The following ST3GAL1 variants were observed in gnomAD, a reference collection of about 807,000 sequenced individuals.
The protein encoded by ST3GAL1 is CMP-N-acetylneuraminate-beta-galactosamide-alpha-2,3-sialyltransferase 1.
Under a neutral mutation model 34.1 loss-of-function variants are expected in ST3GAL1, and 16 were observed. The observed-to-expected ratio is 0.47, with a 90% CI of 0.32 to 0.71. ST3GAL1 has a LOEUF of 0.71. Ranked by LOEUF, ST3GAL1 falls within the 30% of genes least tolerant of loss-of-function variation. ST3GAL1 has a pLI of 0.04. For missense variants in ST3GAL1, 353 were observed against 447.4 expected (o/e 0.79, Z 1.90); for synonymous variants, 191 against 184.7 (o/e 1.03, Z -0.28).
chr8:133,478,376 T>C (rs769834446), intron 3 of ST3GAL1, among the ~76,000 whole-genome samples: 10 of 152,208 alleles, frequency 6.6e-5, no homozygotes, highest in Non-Finnish European at 1.5e-4. Flanking sequence ...TGGCTTGTTG[T>C]TGACATGTGG....
chr8:133,554,401 T>C (rs1470696057), intron 1 of ST3GAL1, among the ~76,000 whole-genome samples: 1 of 152,118 alleles, frequency 6.6e-6, no homozygotes, highest in African/African-American at 2.4e-5. Flanking sequence ...CTGACAATGG[T>C]GTTCCAAAAT....
chr8:133,484,914 G>A (rs899283079), intron 3 of ST3GAL1, among the ~76,000 whole-genome samples: 1 of 152,156 alleles, frequency 6.6e-6, no homozygotes, highest in Middle Eastern at 3.2e-3. Flanking sequence ...TCACGCACTG[G>A]GAATTGTGAT....
rs989517950 is a variant in ST3GAL1, at chr8:133,508,887, C to T, written c.-428-9698G>A. Among the ~76,000 whole-genome samples the T allele has an allele frequency of 2.0e-5, 3 of 151,980 alleles. No homozygotes were observed. The highest frequency in any genetic ancestry group is 2.9e-5 in the Non-Finnish European group (2 of 68,008). On this transcript the variant is annotated intron_variant, in intron 2 of 9. Transcript: ENST00000522652. The surrounding 1 kb of genome is among the most constrained non-coding windows in gnomAD (Gnocchi z 4.1). The stretch of plus-strand genomic sequence containing the variant: ...AAGACTTAGAGGCAAGCAGAAATGA[C>T]GCAAGTATGAAACTCAAGCTGGCTG...
intron 1 of ST3GAL1, among the ~76,000 whole-genome samples, chr8:133,552,917 C>T (rs965331214): frequency 1.3e-5 from 2 of 152,306 alleles, no homozygotes; most frequent in South Asian, 2.1e-4. Context: ...TCCTCTGGGG[C>T]TGGTAGTTTT....
chr8:133,544,668 C>T (rs1207235844), intron 2 of ST3GAL1, among the ~76,000 whole-genome samples: 1 of 152,176 alleles, frequency 6.6e-6, no homozygotes, highest in Non-Finnish European at 1.5e-5. Context: ...ACCAGAAGGG[C>T]TCAAGCTCAC....
intron 3 of ST3GAL1, among the ~76,000 whole-genome samples, chr8:133,497,284 G>A (rs1012392995): frequency 3.9e-5 from 6 of 152,178 alleles, no homozygotes; most frequent in Non-Finnish European, 5.9e-5. Context: ...AGTGTGCTGT[G>A]AACTCACAGC....
chr8:133,463,897 C>T (rs1018315623), intron 7 of ST3GAL1, among the ~76,000 whole-genome samples: 4 of 152,166 alleles, frequency 2.6e-5, no homozygotes, highest in African/African-American at 7.2e-5. Context: ...GCTGGTCCCA[C>T]GGGTGTGATT....
rs976764918 is a variant in ST3GAL1, at chr8:133,469,802, G to A, written c.307-3712C>T. Reference sequence around the variant, plus strand: ...AGGAGGGACGGCAGAAATGACCTCCGGGCTCTGTGATGCGACTTTCTCTAG... The same window carrying A: ...AGGAGGGACGGCAGAAATGACCTCCAGGCTCTGTGATGCGACTTTCTCTAG... On this transcript the variant is annotated intron_variant, in intron 5 of 9. Transcript: ENST00000522652. This position sits in a 1 kb window ranked among gnomAD's most constrained non-coding sequence, Gnocchi z 4.3. Among the ~76,000 whole-genome samples, 8 of 152,156 alleles carry A rather than the reference G, an allele frequency of 5.3e-5. No homozygotes were observed. Among genetic ancestry groups the A allele is most frequent in the Non-Finnish European group, 7.4e-5 (5 of 68,024 alleles).
chr8:133,523,147 C>A (rs1586639398), intron 2 of ST3GAL1, among the ~76,000 whole-genome samples: 2 of 152,310 alleles, frequency 1.3e-5, no homozygotes, highest in East Asian at 3.9e-4. Flanking sequence ...CTCCCTTCTG[C>A]CCTGCTGAGA....
intron 3 of ST3GAL1, among the ~76,000 whole-genome samples, chr8:133,492,347 A>G (rs1816811397): frequency 6.6e-6 from 1 of 152,214 alleles, no homozygotes; most frequent in Non-Finnish European, 1.5e-5. Flanking sequence ...ACTCTGTGCC[A>G]GGCTCCAAGT....
chr8:133,543,793 A>ACATCATCAT (rs76541813), intron 2 of ST3GAL1, among the ~76,000 whole-genome samples: 1 of 151,190 alleles, frequency 6.6e-6, no homozygotes, highest in African/African-American at 2.4e-5. Flanking sequence ...ATCACTGTTA[A>ACATCATCAT]CATCATCATC....
intron 2 of ST3GAL1, among the ~76,000 whole-genome samples, chr8:133,541,979 C>T (rs1036646317): frequency 1.3e-5 from 2 of 151,922 alleles, no homozygotes; most frequent in African/African-American, 4.8e-5. Flanking sequence ...TAGTATGAAC[C>T]TATGGTGATT....
rs549130990 is a variant in ST3GAL1 at position 133,555,018 on chromosome 8, C to T, written c.-581-9092G>A. On this transcript the variant is annotated intron_variant, in intron 1 of 9. Coordinates refer to ENST00000522652, the MANE Select transcript of ST3GAL1 (RefSeq NM_173344.3). ...CTGGAATTACAGGTGTGAGCCACCG[C>T]GCCCAGCCTACTTGGGTTTTTCTAC... 2.6e-5 allele frequency among the ~76,000 whole-genome samples: 4 copies of T among 152,190 alleles called. No homozygotes were observed. In the East Asian group the frequency reaches 5.8e-4, roughly 22 times the overall value.
At chr8:133,564,299 T>G (rs1374948955) in intron 1 of ST3GAL1, among the ~76,000 whole-genome samples, 1 of 152,208 alleles carries the variant, frequency 6.6e-6, no homozygotes, top group African/African-American at 2.4e-5. Context: ...ATTTTTCTAG[T>G]GTTCTCTCTA....
Position 133,520,497 on chromosome 8 carries a change from G to A in ST3GAL1, c.-428-21308C>T, listed in dbSNP as rs553132677. The stretch of plus-strand genomic sequence containing the variant: ...CACTGTGAAAAGCTGTTGGGTATGG[G>A]CCCACCTAGGACCTTTCCTGAGCCA... On this transcript the variant is annotated intron_variant, in intron 2 of 9. Transcript: ENST00000522652. 9.2e-5 allele frequency among the ~76,000 whole-genome samples: 14 copies of A among 152,252 alleles called. No individual in the cohort carries two copies. The East Asian group carries it at 2.7e-3, about 29-fold the overall frequency.
At chr8:133,552,795 G>A (rs185540482) in intron 1 of ST3GAL1, among the ~76,000 whole-genome samples, 75 of 152,250 alleles carry the variant, frequency 4.9e-4, no homozygotes, top group Middle Eastern at 6.8e-3. Flanking sequence ...TGGCTGCTTC[G>A]CTGGAAGAGC....
intron 3 of ST3GAL1, among the ~76,000 whole-genome samples, chr8:133,484,882 A>T (rs559437872): frequency 3.9e-5 from 6 of 152,096 alleles, no homozygotes; most frequent in African/African-American, 9.7e-5. Flanking sequence ...TGATGTCCTT[A>T]ACCCTCCCTG....
chr8:133,488,870 G>C (rs1047110575), intron 3 of ST3GAL1, among the ~76,000 whole-genome samples: 1 of 152,030 alleles, frequency 6.6e-6, no homozygotes, highest in African/African-American at 2.4e-5. Context: ...TGGCAGACAG[G>C]GGGGGCCAGG....
chr8:133,496,819 A>ATTTCATCTCTGAACTTT (rs1816961649), intron 3 of ST3GAL1, among the ~76,000 whole-genome samples: 2 of 152,186 alleles, frequency 1.3e-5, no homozygotes, highest in African/African-American at 4.8e-5. Context: ...CACGGCACCC[A>ATTTCATCTCTGAACTTT]AGGGGGATGG....
Sources: allele counts gnomAD v4.1 joint callset (sites outside exome capture counted in the v4.1 genomes callset), GRCh38; gene constraint gnomAD v4.1.1; non-coding constraint Gnocchi (gnomAD v3.1); transcripts MANE v1.5; gene names NCBI Gene and HGNC (gene_info 2026-07-23, HGNC 2026-07-21).